The following MFHAS1 variants were observed in gnomAD, a reference collection of about 807,000 sequenced individuals.
MFHAS1 encodes multifunctional ROCO family signaling regulator 1.
A neutral mutation model predicts 70.4 loss-of-function variants in MFHAS1; 50 were observed. That is an observed-to-expected ratio of 0.71 (90% CI 0.57 to 0.90). MFHAS1 has a LOEUF of 0.90. Among genes scored for constraint, MFHAS1 ranks in the 40% least tolerant of loss-of-function variants. The pLI is 0.00. For missense variants in MFHAS1, 1,795 were observed against 1,347.6 expected, an observed-to-expected ratio of 1.33 and a Z score of -5.20; for synonymous variants, 952 against 620.0, an observed-to-expected ratio of 1.54 and a Z score of -7.96.
At chr8:8,810,785 A>C (rs1299292757) in intron 1 of MFHAS1, among the ~76,000 whole-genome samples, 1 of 152,202 alleles carries the variant, frequency 6.6e-6, no homozygotes, top group African/African-American at 2.4e-5. Flanking sequence ...GGGGCTGGTC[A>C]GTGCCCCTAA....
chr8:8,851,707 C>A (rs887104810), intron 1 of MFHAS1, among the ~76,000 whole-genome samples: 2 of 152,118 alleles, frequency 1.3e-5, no homozygotes, highest in African/African-American at 4.8e-5. Context: ...TTTCCATTCA[C>A]TGAGTAACAC....
Position 8,890,122 on chromosome 8 carries a change from G to A in MFHAS1, c.2937C>T (p.Thr979=), listed in dbSNP as rs759096133. The change falls in exon 1 of 3, where the codon ACC becomes ACT. Residue 979 remains threonine (T), a synonymous_variant. Coordinates refer to ENST00000276282, the MANE Select transcript of MFHAS1 (RefSeq NM_004225.3). ...GGCACTTAGAACAGAGAATGTGCAC[G>A]GTGTAGTGCAGTCCAGGCCATTCCT... ...LLQEWPGLHY[T]VHILCSKCLK... The A allele has an allele frequency of 5.0e-6, 8 of 1,614,040 alleles. No homozygotes were observed. The highest frequency in any genetic ancestry group is 5.1e-6 in the Non-Finnish European group (6 of 1,179,980).
intron 1 of MFHAS1, among the ~76,000 whole-genome samples, chr8:8,819,553 A>T (rs1010324142): frequency 1.3e-5 from 2 of 150,942 alleles, no homozygotes; most frequent in African/African-American, 4.9e-5. Context: ...GCAGTGAGCC[A>T]AGATCACGCC....
In MFHAS1 at chr8:8,812,358, G is replaced by A. The variant is rs143151926; in HGVS notation, c.2999-14867C>T. 4.6e-3 allele frequency among the ~76,000 whole-genome samples: 706 copies of A among 152,294 alleles called. 5 individuals carry two copies. The highest frequency in any genetic ancestry group is 7.4e-3 in the Non-Finnish European group (503 of 68,030). ...CAGTCTTGGTTACTTACACGGGCTG[G>A]TCAGTACGCTGCTGGGTCCCAGGGT... On this transcript the variant is annotated intron_variant, in intron 1 of 2. Coordinates refer to ENST00000276282, the MANE Select transcript of MFHAS1 (RefSeq NM_004225.3).
intron 1 of MFHAS1, among the ~76,000 whole-genome samples, chr8:8,803,331 A>G (rs1021617680): frequency 6.6e-6 from 1 of 151,262 alleles, no homozygotes; most frequent in Non-Finnish European, 1.5e-5. Context: ...CCTGGCCAAC[A>G]TGGTGAAACC....
At chr8:8,819,237 C>A (rs893085442) in intron 1 of MFHAS1, among the ~76,000 whole-genome samples, 1 of 152,264 alleles carries the variant, frequency 6.6e-6, no homozygotes, top group Non-Finnish European at 1.5e-5. Context: ...TCTCCCTACT[C>A]ATTATATACA....
At chr8:8,851,458 A>G (rs1808244696) in intron 1 of MFHAS1, among the ~76,000 whole-genome samples, 1 of 152,186 alleles carries the variant, frequency 6.6e-6, no homozygotes, top group African/African-American at 2.4e-5. Flanking sequence ...TGAGGTCTAG[A>G]TACCACAAAA....
intron 1 of MFHAS1, among the ~76,000 whole-genome samples, chr8:8,887,731 T>G (rs1237587327): frequency 6.6e-6 from 1 of 151,682 alleles, no homozygotes; most frequent in Non-Finnish European, 1.5e-5. Context: ...AAACCAGGTG[T>G]GCCTCATTTG....
In MFHAS1 at chr8:8,891,314, C is replaced by T. The variant is rs756654183; in HGVS notation, c.1745G>A (p.Arg582Gln). The change falls in exon 1 of 3, where the codon CGG becomes CAG. Residue 582 changes from arginine to glutamine, a missense_variant. Arg to Gln is a conservative substitution (Grantham distance 43, BLOSUM62 1). Transcript: ENST00000276282. This position sits in a 1 kb window ranked among gnomAD's most constrained non-coding sequence, Gnocchi z 5.4. ...LAKVVDEALA[R>Q]DFELRSASPH... Reference sequence around the variant, plus strand: ...GCTGGCAGAGCGCAGCTCGAAGTCCCGGGCCAGTGCCTCGTCCACCACCTT... The same window carrying T: ...GCTGGCAGAGCGCAGCTCGAAGTCCTGGGCCAGTGCCTCGTCCACCACCTT... 3.1e-6 allele frequency: 5 copies of T among 1,611,094 alleles called. No individual in the cohort carries two copies. Among genetic ancestry groups the T allele is most frequent in the African/African-American group, 1.3e-5 (1 of 74,948 alleles).
chr8:8,880,219 G>A (rs1197601354), intron 1 of MFHAS1, among the ~76,000 whole-genome samples: 1 of 152,136 alleles, frequency 6.6e-6, no homozygotes, highest in East Asian at 1.9e-4. Flanking sequence ...GTTACACCTT[G>A]GAAAGAAAGT....
intron 1 of MFHAS1, among the ~76,000 whole-genome samples, chr8:8,847,494 A>G (rs1808080156): frequency 6.6e-6 from 1 of 152,118 alleles, no homozygotes. Flanking sequence ...AAATATCTTA[A>G]GAAACAAAGA....
chr8:8,815,718 C>T (rs948882930), intron 1 of MFHAS1, among the ~76,000 whole-genome samples: 1 of 152,136 alleles, frequency 6.6e-6, no homozygotes, highest in African/African-American at 2.4e-5. Context: ...TGTGGGGGAA[C>T]TGGAACTCTC....
intron 2 of MFHAS1, among the ~76,000 whole-genome samples, chr8:8,792,667 A>G (rs745438839): frequency 1.3e-5 from 2 of 152,232 alleles, no homozygotes; most frequent in Non-Finnish European, 1.5e-5. Context: ...TAGGTGTTGG[A>G]TAAGACACAA....
intron 2 of MFHAS1, chr8:8,790,466 T>C: frequency 5.6e-6 from 4 of 715,742 alleles, no homozygotes; most frequent in Non-Finnish European, 6.9e-6. Context: ...CCAGTATCAA[T>C]GTGGCTGACG....
intron 1 of MFHAS1, among the ~76,000 whole-genome samples, chr8:8,834,378 C>T (rs1360494076): frequency 6.6e-6 from 1 of 152,192 alleles, no homozygotes; most frequent in Admixed American, 6.5e-5. Flanking sequence ...TTCACATTTA[C>T]TCATTACTCA....
At chr8:8,814,551 G>T (rs60675059) in intron 1 of MFHAS1, among the ~76,000 whole-genome samples, 4,577 of 152,264 alleles carry the variant, frequency 0.03, 118 homozygotes, top group South Asian at 0.1. Flanking sequence ...AGCCTGTCAT[G>T]AAAGTTAAAA....
rs545918332 is a variant in MFHAS1, at chr8:8,786,616, G to A, written c.3126-561C>T. Among the ~76,000 whole-genome samples, 11 of 151,708 alleles carry A rather than the reference G, an allele frequency of 7.3e-5. No homozygotes were observed. In the East Asian group the frequency reaches 1.7e-3, roughly 24 times the overall value. The stretch of plus-strand genomic sequence containing the variant: ...AGCAAATAAAGCGGGATTCAGTTCC[G>A]ATAAAATGGTTAGAGGAAAAAATAT... On this transcript the variant is annotated intron_variant, in intron 2 of 2. Transcript: ENST00000276282.
rs76232277 is a variant in MFHAS1, at chr8:8,867,265, A to G, written c.2998+22796T>C. On this transcript the variant is annotated intron_variant, in intron 1 of 2. Transcript: ENST00000276282. Reference sequence around the variant, plus strand: ...ATGCAAACCCACTAAATTCTTCACCATATAAACTTTTTGTTACATTTTTAT... The same window carrying G: ...ATGCAAACCCACTAAATTCTTCACCGTATAAACTTTTTGTTACATTTTTAT... 5.4e-3 allele frequency among the ~76,000 whole-genome samples: 822 copies of G among 152,300 alleles called. 10 individuals are homozygous for G. Among genetic ancestry groups the G allele is most frequent in the African/African-American group, 0.019 (786 of 41,560 alleles).
intron 1 of MFHAS1, among the ~76,000 whole-genome samples, chr8:8,882,449 G>C (rs1019583100): frequency 6.6e-6 from 1 of 151,482 alleles, no homozygotes; most frequent in East Asian, 2.0e-4. Context: ...CACTTGCCAG[G>C]CATCAATTAA....
Sources: allele counts gnomAD v4.1 joint callset (sites outside exome capture counted in the v4.1 genomes callset), GRCh38; gene constraint gnomAD v4.1.1; non-coding constraint Gnocchi (gnomAD v3.1); transcripts MANE v1.5; gene names NCBI Gene and HGNC (gene_info 2026-07-23, HGNC 2026-07-21).